Variants in EVC2 observed in about 807,000 individuals in gnomAD.
EVC2 encodes the protein limbin.
In EVC2, 148 loss-of-function variants were observed where a neutral mutation model predicts 149.3. The observed-to-expected ratio is 0.99, with a 90% CI of 0.87 to 1.14. The LOEUF is 1.14. Ranked by LOEUF, EVC2 falls within the 50% of genes most tolerant of loss-of-function variation. EVC2 has a pLI of 0.00. For synonymous variants in EVC2, 776 were observed against 649.9 expected (o/e 1.19, Z -2.95); for missense variants, 1,854 against 1,627.3 (o/e 1.14, Z -2.40).
chr4:5,657,013 C>T lies in EVC2; in HGVS notation c.1145+6094G>A, dbSNP rs759277667. Among the ~76,000 whole-genome samples, 6 of 152,268 alleles carry T rather than the reference C, an allele frequency of 3.9e-5. No homozygotes were observed. Among genetic ancestry groups the T allele is most frequent in the East Asian group, 3.9e-4 (2 of 5,144 alleles). ...GGTAAGTGGCAGAACTGGGACTCAACGCTAGCAGTCAGGCCTGGGTTTTAA... is the reference window on the plus strand; with the variant it reads ...GGTAAGTGGCAGAACTGGGACTCAATGCTAGCAGTCAGGCCTGGGTTTTAA... On this transcript the variant is annotated intron_variant, in intron 9 of 21. Transcript: ENST00000344408. The surrounding 1 kb of genome is among the most constrained non-coding windows in gnomAD (Gnocchi z 4.7).
At chr4:5,606,134 A>C (rs914017957) in intron 16 of EVC2, among the ~76,000 whole-genome samples, 1 of 152,188 alleles carries the variant, frequency 6.6e-6, no homozygotes, top group South Asian at 2.1e-4. Flanking sequence ...CAAAATGCCT[A>C]AATCTTGTTG....
intron 7 of EVC2, among the ~76,000 whole-genome samples, chr4:5,673,491 C>T (rs1433146905): frequency 6.6e-6 from 1 of 152,160 alleles, no homozygotes; most frequent in Admixed American, 6.5e-5. Flanking sequence ...ACTGTAAGTA[C>T]AGATTCCAAA....
In EVC2 at chr4:5,694,403, A is replaced by G; in HGVS notation, c.382T>C (p.Phe128Leu). The change falls in exon 3 of 22, where the codon TTT becomes CTT. Residue 128 changes from phenylalanine (F) to leucine (L), a missense_variant. Physicochemically the swap from Phe to Leu is conservative, Grantham distance 22 (BLOSUM62 0). Coordinates refer to ENST00000344408, the MANE Select transcript of EVC2 (RefSeq NM_147127.5). ...TTAGGCCAGGAGGGTATAAAAGCAA[A>G]TAAGGAATGAGCCCATGGCCCACTA... is the stretch of plus-strand genomic sequence containing the variant. ...ASSGPWAHSL[F>L]AFIPSWPKKN... 6.2e-7 allele frequency: 1 copy of G among 1,614,174 alleles called. No homozygotes were observed. Among genetic ancestry groups the G allele is most frequent in the Non-Finnish European group, 8.5e-7 (1 of 1,180,026 alleles).
In EVC2 at chr4:5,605,484, T is replaced by C. The variant is rs971727230; in HGVS notation, c.2829+9938A>G. On this transcript the variant is annotated intron_variant, in intron 16 of 21. Transcript: ENST00000344408. ...GTCAGATAGACAGATGACAGATAGA[T>C]AGATGGATGGATGGATGGATAGATA... 6.6e-5 allele frequency among the ~76,000 whole-genome samples: 10 copies of C among 152,178 alleles called. No homozygotes were observed. In the South Asian group the frequency reaches 1.7e-3, roughly 25 times the overall value.
chr4:5,529,410 G>A, the EVC2 span, among the ~76,000 whole-genome samples: 3,093 of 152,118 alleles, frequency 0.02, 113 homozygotes, highest in African/African-American at 0.07. The surrounding 1 kb of genome is among the most constrained non-coding windows in gnomAD (Gnocchi z 4.5). Context: ...AATTCAATTC[G>A]CTTTTTACCT....
chr4:5,699,650 A>AG (rs1721701527), intron 1 of EVC2, among the ~76,000 whole-genome samples: 1 of 150,922 alleles, frequency 6.6e-6, no homozygotes. Flanking sequence ...TACAAAAAAA[A>AG]AAAAAAAAGA....
At chr4:5,558,901 AGAG>A (rs1721888987), downstream of EVC2, among the ~76,000 whole-genome samples, 2 of 152,160 alleles carry the variant, frequency 1.3e-5, no homozygotes, top group African/African-American at 2.4e-5. Flanking sequence ...GTTGGAATGG[AGAG>A]GAGAAGGGCC....
intron 3 of EVC2, among the ~76,000 whole-genome samples, chr4:5,692,869 G>A (rs1354533173): frequency 2.1e-4 from 11 of 53,336 alleles, no homozygotes; most frequent in Admixed American, 5.3e-4. Context: ...GCGAGACTCC[G>A]TCTCAAAAAA....
At chr4:5,571,368 A>C (rs1300758508) in intron 19 of EVC2, among the ~76,000 whole-genome samples, 7 of 151,346 alleles carry the variant, frequency 4.6e-5, no homozygotes, top group African/African-American at 1.5e-4. Context: ...TACACTGTTC[A>C]GGTGGTGGGT....
chr4:5,530,928 T>C, the EVC2 span, among the ~76,000 whole-genome samples: 1 of 152,234 alleles, frequency 6.6e-6, no homozygotes, highest in Non-Finnish European at 1.5e-5. Context: ...CTACTTACCA[T>C]GCTGAGCAGT....
At position 5,694,344 on chromosome 4, in the gene EVC2, T is replaced by A. The variant is rs748506827; in HGVS notation, c.441A>T (p.Thr147=). The change falls in exon 3 of 22, where the codon ACA becomes ACT. Residue 147 remains threonine (T), a synonymous_variant. Transcript: ENST00000344408. ...TGAACTTAATACTTACCAGGCGGTG[T>A]GTTATAGGAGACTCTCTTTTAAATA... ...KNLFKRESPI[T]HRLYGDISRE... The A allele has an allele frequency of 1.9e-6, 3 of 1,613,968 alleles. No homozygotes were observed. Among genetic ancestry groups the A allele is most frequent in the Non-Finnish European group, 2.5e-6 (3 of 1,179,948 alleles).
chr4:5,529,214 CA>C, the EVC2 span, among the ~76,000 whole-genome samples: 1 of 152,134 alleles, frequency 6.6e-6, no homozygotes, highest in Admixed American at 6.5e-5. This position sits in a 1 kb window ranked among gnomAD's most constrained non-coding sequence, Gnocchi z 4.5. Context: ...CTACCTCATT[CA>C]GGGGGTAAAG....
At chr4:5,605,469 C>G (rs960429530) in intron 16 of EVC2, among the ~76,000 whole-genome samples, 1 of 152,032 alleles carries the variant, frequency 6.6e-6, no homozygotes, top group Non-Finnish European at 1.5e-5. Flanking sequence ...GTCAGATAGA[C>G]AGATGACAGA....
At chr4:5,549,899 G>C (rs1343634581) in intron 21 of EVC2, among the ~76,000 whole-genome samples, 1 of 152,160 alleles carries the variant, frequency 6.6e-6, no homozygotes, top group East Asian at 1.9e-4. Context: ...TCTTGTGATA[G>C]TGAATAAGTC....
chr4:5,602,286 C>T (rs991013631), intron 16 of EVC2, among the ~76,000 whole-genome samples: 1 of 126,432 alleles, frequency 7.9e-6, no homozygotes, highest in South Asian at 2.4e-4. Context: ...CAAGACATTG[C>T]CTCTTAAAAA....
chr4:5,613,631 C>A lies in EVC2; in HGVS notation c.2829+1791G>T, dbSNP rs1351393346. On this transcript the variant is annotated intron_variant, in intron 16 of 21. Coordinates refer to ENST00000344408, the MANE Select transcript of EVC2 (RefSeq NM_147127.5). The surrounding 1 kb of genome is among the most constrained non-coding windows in gnomAD (Gnocchi z 4.6). ...CTGCTTCCCTAGGGGTAGGCTGCCC[C>A]CCACAAGGAACCCCCTAGTGACACT... Among the ~76,000 whole-genome samples the A allele has an allele frequency of 6.6e-6, 1 of 151,992 alleles. No individual in the cohort carries two copies. Among genetic ancestry groups the A allele is most frequent in the Non-Finnish European group, 1.5e-5 (1 of 68,012 alleles).
Position 5,569,914 on chromosome 4 carries a change from G to A in EVC2, c.3361-1274C>T, listed in dbSNP as rs1174343978. ...CCTCCACTGTCACACTGAAATACTTGTTCTTCCCTGACCGTCCTGCTCGCC... is the reference window on the plus strand; with the variant it reads ...CCTCCACTGTCACACTGAAATACTTATTCTTCCCTGACCGTCCTGCTCGCC... On this transcript the variant is annotated intron_variant, in intron 19 of 21. Coordinates refer to ENST00000344408, the MANE Select transcript of EVC2 (RefSeq NM_147127.5). This position sits in a 1 kb window ranked among gnomAD's most constrained non-coding sequence, Gnocchi z 4.8. 6.6e-6 allele frequency among the ~76,000 whole-genome samples: 1 copy of A among 152,126 alleles called. No homozygotes were observed. The highest frequency in any genetic ancestry group is 2.4e-5 in the African/African-American group (1 of 41,426).
Position 5,616,511 on chromosome 4 carries a change from C to T in EVC2, c.2707-967G>A, listed in dbSNP as rs78308091. Among the ~76,000 whole-genome samples the T allele has an allele frequency of 1.1e-4, 16 of 152,164 alleles. No homozygotes were observed. In the East Asian group the frequency reaches 1.5e-3, roughly 15 times the overall value. ...CAGGGGTTCCCTGGTGGTGACACAA[C>T]GGTGGGTGAGAACGGCCAAGAGATG... On this transcript the variant is annotated intron_variant, in intron 15 of 21. Coordinates refer to ENST00000344408, the MANE Select transcript of EVC2 (RefSeq NM_147127.5).
chr4:5,548,479 T>C (rs563434032), intron 21 of EVC2, among the ~76,000 whole-genome samples: 2 of 151,400 alleles, frequency 1.3e-5, no homozygotes, highest in East Asian at 3.9e-4. Context: ...CTAAGTTGTG[T>C]GTCACATGTG....
Sources: gnomAD v4.1 joint callset for allele counts (sites outside exome capture counted in the v4.1 genomes callset) on GRCh38, gnomAD v4.1.1 for gene constraint, Gnocchi (gnomAD v3.1) non-coding constraint, MANE v1.5 for transcripts, NCBI Gene and HGNC (gene_info 2026-07-23, HGNC 2026-07-21) for gene names.